The following MYO5B variants were observed in gnomAD, a reference collection of about 807,000 sequenced individuals.
MYO5B encodes myosin VB.
Under a neutral mutation model 229.3 loss-of-function variants are expected in MYO5B, and 143 were observed. The ratio of observed to expected loss-of-function variants is 0.62; its 90% CI spans 0.54 to 0.72. MYO5B has a LOEUF of 0.72. MYO5B is among the 30% of genes least tolerant of loss of function. The pLI, the probability that MYO5B is intolerant of heterozygous loss-of-function variation, is 0.00. For synonymous variants in MYO5B, 918 were observed against 885.2 expected (o/e 1.04, Z -0.66); for missense variants, 2,321 against 2,331.0 (o/e 1.00, Z 0.09).
chr18:49,882,178 C>A (rs1310185), intron 22 of MYO5B, among the ~76,000 whole-genome samples: 90,140 of 151,892 alleles, frequency 0.59, 26,821 homozygotes, highest in Middle Eastern at 0.67. Flanking sequence ...GCTTCCAGAC[C>A]TGAGATCTCC....
chr18:50,142,034 T>C (rs1204987648), intron 1 of MYO5B, among the ~76,000 whole-genome samples: 3 of 152,236 alleles, frequency 2.0e-5, no homozygotes, highest in Non-Finnish European at 2.9e-5. Context: ...TTTACTCTGA[T>C]TCAACCAAGT....
At chr18:50,158,859 TG>T (rs753890000) in intron 1 of MYO5B, among the ~76,000 whole-genome samples, 5 of 152,154 alleles carry the variant, frequency 3.3e-5, no homozygotes, top group Non-Finnish European at 7.3e-5. Flanking sequence ...CATCTGATGA[TG>T]GGGTAAGAAT....
chr18:50,186,272 G>A (rs569429383), intron 1 of MYO5B, among the ~76,000 whole-genome samples: 40 of 152,342 alleles, frequency 2.6e-4, no homozygotes, highest in Admixed American at 7.2e-4. Flanking sequence ...ACATGCCTAA[G>A]TGGTCAAGAG....
At chr18:50,108,641 C>T (rs1289793868) in intron 1 of MYO5B, among the ~76,000 whole-genome samples, 4 of 152,094 alleles carry the variant, frequency 2.6e-5, no homozygotes, top group African/African-American at 7.2e-5. Flanking sequence ...GATGGACCCC[C>T]GACAAACATG....
intron 22 of MYO5B, among the ~76,000 whole-genome samples, chr18:49,890,504 A>G (rs1162388356): frequency 1.3e-5 from 2 of 152,238 alleles, no homozygotes; most frequent in Non-Finnish European, 1.5e-5. Flanking sequence ...CTAATACAGT[A>G]CCTATATTAA....
chr18:49,975,853 TACTG>T (rs2025744804), intron 9 of MYO5B, among the ~76,000 whole-genome samples: 1 of 152,202 alleles, frequency 6.6e-6, no homozygotes, highest in African/African-American at 2.4e-5. Flanking sequence ...CAGCTGCCTC[TACTG>T]ACTATGTGTG....
At chr18:49,992,496 T>C (rs2025944771) in intron 5 of MYO5B, 65 bp from the exon 6 acceptor site, 1 of 1,610,226 alleles carries the variant, frequency 6.2e-7, no homozygotes, top group East Asian at 2.2e-5. Flanking sequence ...CAGGATTGTA[T>C]GTTTGTGGCA....
chr18:49,839,776 G>C, intron 35 of MYO5B: 1 of 220,658 alleles, frequency 4.5e-6, no homozygotes, highest in Non-Finnish European at 9.2e-6. Context: ...ATGAACTAAA[G>C]TGATTTCATA....
At chr18:50,047,413 T>C (rs2030261194) in intron 2 of MYO5B, among the ~76,000 whole-genome samples, 1 of 152,134 alleles carries the variant, frequency 6.6e-6, no homozygotes, top group South Asian at 2.1e-4. Context: ...CCAGTTAGAA[T>C]GGCAATCATT....
At chr18:49,833,838 CTG>C (rs1169055014) in intron 39 of MYO5B, among the ~76,000 whole-genome samples, 1 of 152,222 alleles carries the variant, frequency 6.6e-6, no homozygotes, top group Non-Finnish European at 1.5e-5. Context: ...AGCATCCTAA[CTG>C]GATCCTTTCT....
intron 1 of MYO5B, among the ~76,000 whole-genome samples, chr18:50,120,184 T>A (rs2032034777): frequency 6.6e-6 from 1 of 152,232 alleles, no homozygotes; most frequent in Non-Finnish European, 1.5e-5. Context: ...TTTTAATGCC[T>A]TTTGGGGGCC....
intron 1 of MYO5B, among the ~76,000 whole-genome samples, chr18:50,164,203 C>T (rs550195874): frequency 6.6e-6 from 1 of 152,336 alleles, no homozygotes; most frequent in African/African-American, 2.4e-5. Flanking sequence ...CTTTGGGCGC[C>T]TTTCGCATTA....
intron 1 of MYO5B, among the ~76,000 whole-genome samples, chr18:50,161,092 C>T (rs2032758444): frequency 1.3e-5 from 2 of 152,188 alleles, no homozygotes; most frequent in African/African-American, 4.8e-5. Context: ...GAGCTCACAA[C>T]CTGGCTTAGA....
At chr18:49,910,448 T>C (rs2024945272) in intron 18 of MYO5B, among the ~76,000 whole-genome samples, 1 of 151,810 alleles carries the variant, frequency 6.6e-6, no homozygotes, top group Non-Finnish European at 1.5e-5. Context: ...TTCTTGTCCA[T>C]AAAAAGTAAG....
chr18:50,167,622 A>G (rs2032870270), intron 1 of MYO5B, among the ~76,000 whole-genome samples: 1 of 152,138 alleles, frequency 6.6e-6, no homozygotes, highest in Non-Finnish European at 1.5e-5. Flanking sequence ...TCTCCCAGCT[A>G]TTTGTCCTCT....
At position 49,888,724 on chromosome 18, in the gene MYO5B, C is replaced by A. The variant is rs916875996; in HGVS notation, c.3045+6217G>T. On this transcript the variant is annotated intron_variant, in intron 22 of 39. Transcript: ENST00000285039. ...CCAGCTCCTCTCCCCAGCCTCTTCC[C>A]GCCCTCCAGGATCTGCCTGAATGTT... is the stretch of plus-strand genomic sequence containing the variant. Among the ~76,000 whole-genome samples, 8 of 152,216 alleles carry A rather than the reference C, an allele frequency of 5.3e-5. No individual in the cohort carries two copies. In the South Asian group the frequency reaches 1.7e-3, roughly 32 times the overall value.
chr18:49,883,459 G>T (rs576930331), intron 22 of MYO5B, among the ~76,000 whole-genome samples: 14 of 152,204 alleles, frequency 9.2e-5, no homozygotes, highest in African/African-American at 3.4e-4. Context: ...CTCGGTAAAT[G>T]AAAAAACATT....
Position 49,936,331 on chromosome 18 carries a change from G to C in MYO5B, c.1924C>G (p.Leu642Val), listed in dbSNP as rs760396011. 3 of 1,600,208 alleles carry C rather than the reference G, an allele frequency of 1.9e-6. No individual in the cohort carries two copies. The highest frequency in any genetic ancestry group is 1.3e-5 in the African/African-American group (1 of 74,766). ...GTGGCATTCAGGGTCTCCATGAGCA[G>C]ATGCAGGGAGGTACGGAACTAGAGA... ...VGHQFRTSLH[L>V]LMETLNATTP... The change falls in exon 16 of 40, where the codon CTG becomes GTG. Residue 642 changes from leucine (L) to valine (V), a missense_variant. Physicochemically the swap from Leu to Val is conservative, Grantham distance 32. Coordinates refer to ENST00000285039, the MANE Select transcript of MYO5B (RefSeq NM_001080467.3).
At chr18:50,188,716 G>A (rs1159270969) in intron 1 of MYO5B, among the ~76,000 whole-genome samples, 2 of 149,082 alleles carry the variant, frequency 1.3e-5, no homozygotes, top group Non-Finnish European at 3.0e-5. Context: ...GAACCCAGGA[G>A]GCAGAGGTTG....
Sources: gnomAD v4.1 joint callset for allele counts (sites outside exome capture counted in the v4.1 genomes callset) on GRCh38, gnomAD v4.1.1 for gene constraint, MANE v1.5 for transcripts, NCBI Gene and HGNC (gene_info 2026-07-23, HGNC 2026-07-21) for gene names.